RCAN2: variants seen among roughly 807,000 people sequenced by gnomAD.
RCAN2 encodes the protein calcipressin-2.
RCAN2 carries 9 observed loss-of-function variants against 23.6 expected under a neutral mutation model. That is an observed-to-expected ratio of 0.38 (90% CI 0.23 to 0.67). The LOEUF (loss-of-function observed/expected upper bound fraction) is 0.67, where lower values mean the gene tolerates loss of function less well. Ranked by LOEUF, RCAN2 falls within the 30% of genes least tolerant of loss-of-function variation. The pLI is 0.51. For synonymous variants in RCAN2, 109 were observed against 115.7 expected (o/e 0.94, Z 0.37); for missense variants, 273 against 302.3 (o/e 0.90, Z 0.72).
intron 2 of RCAN2, among the ~76,000 whole-genome samples, chr6:46,324,387 C>A (rs936727854): frequency 3.3e-5 from 5 of 152,220 alleles, no homozygotes; most frequent in African/African-American, 1.2e-4. Context: ...ACACATAAAT[C>A]CCCACCTGTA....
intron 4 of RCAN2, among the ~76,000 whole-genome samples, chr6:46,238,205 G>A (rs990936279): frequency 6.6e-6 from 1 of 152,168 alleles, no homozygotes; most frequent in Non-Finnish European, 1.5e-5. Context: ...GAGGAGTGAG[G>A]AAAGCTGGGA....
intron 2 of RCAN2, among the ~76,000 whole-genome samples, chr6:46,271,912 A>T (rs2150333389): frequency 6.6e-6 from 1 of 152,310 alleles, no homozygotes; most frequent in Middle Eastern, 3.4e-3. Flanking sequence ...CATGTGCACC[A>T]CTATAATGAG....
At chr6:46,365,107 A>C (rs1261151306) in intron 2 of RCAN2, among the ~76,000 whole-genome samples, 2 of 152,154 alleles carry the variant, frequency 1.3e-5, no homozygotes, top group Non-Finnish European at 2.9e-5. Context: ...CCAATGTAAT[A>C]ATAATATAAA....
At chr6:46,420,407 C>T (rs1161102096) in intron 2 of RCAN2, among the ~76,000 whole-genome samples, 1 of 152,084 alleles carries the variant, frequency 6.6e-6, no homozygotes, top group Admixed American at 6.5e-5. Context: ...GGCTCAAGAG[C>T]GGTTCAGCAA....
At chr6:46,420,800 G>A (rs1238913735) in intron 2 of RCAN2, among the ~76,000 whole-genome samples, 10 of 151,864 alleles carry the variant, frequency 6.6e-5, no homozygotes. Flanking sequence ...GCCCTCCTCG[G>A]CCCCCCAAAC....
intron 2 of RCAN2, among the ~76,000 whole-genome samples, chr6:46,454,081 TG>T (rs1403737012): frequency 6.6e-6 from 1 of 152,216 alleles, no homozygotes; most frequent in East Asian, 1.9e-4. Context: ...AAATGCTTTT[TG>T]CTTCTTTTCC....
At chr6:46,318,714 T>TA (rs199690863) in intron 2 of RCAN2, among the ~76,000 whole-genome samples, 9 of 150,920 alleles carry the variant, frequency 6.0e-5, no homozygotes, top group Admixed American at 1.3e-4. Context: ...AACAGAAGGT[T>TA]AAAAAAAAAG....
Position 46,412,701 on chromosome 6 carries a change from CT to C in RCAN2, c.225+44050del, listed in dbSNP as rs369705718. On this transcript the variant is annotated intron_variant, in intron 2 of 4. Transcript: ENST00000371374. The stretch of plus-strand genomic sequence containing the variant: ...GAAGGATAAGAACATAAAAATACAA[CT>C]GCTGGGTCTGGCAACACGAAGGTTG... 4.4e-3 allele frequency among the ~76,000 whole-genome samples: 668 copies of C among 152,268 alleles called. 5 individuals carry two copies. Among genetic ancestry groups the C allele is most frequent in the African/African-American group, 0.015 (640 of 41,552 alleles).
At chr6:46,345,512 G>A (rs9369611) in intron 2 of RCAN2, among the ~76,000 whole-genome samples, 64,082 of 151,902 alleles carry the variant, frequency 0.42, 14,958 homozygotes, top group East Asian at 0.6. Context: ...ACTATAAAAC[G>A]AGTCTCAGAA....
chr6:46,440,130 G>C (rs1474416315), intron 2 of RCAN2, among the ~76,000 whole-genome samples: 1 of 152,202 alleles, frequency 6.6e-6, no homozygotes, highest in Non-Finnish European at 1.5e-5. Context: ...AAATCAGACT[G>C]ATTTATGATG....
At chr6:46,254,413 C>A (rs147948562) in intron 2 of RCAN2, among the ~76,000 whole-genome samples, 2 of 152,166 alleles carry the variant, frequency 1.3e-5, no homozygotes, top group East Asian at 3.9e-4. Context: ...GCAGGAAGGT[C>A]AAATAGGGTG....
At chr6:46,225,845 C>T (rs1765646546) in intron 4 of RCAN2, among the ~76,000 whole-genome samples, 1 of 152,204 alleles carries the variant, frequency 6.6e-6, no homozygotes, top group Non-Finnish European at 1.5e-5. Flanking sequence ...GTGTTTCAGT[C>T]ATGAAGTCCT....
rs564012824 is a variant in RCAN2 at position 46,280,803 on chromosome 6, A to G, written c.226-31907T>C. Among the ~76,000 whole-genome samples the G allele has an allele frequency of 6.6e-5, 10 of 152,230 alleles. No individual in the cohort carries two copies. In the South Asian group the frequency reaches 2.1e-3, roughly 32 times the overall value. On this transcript the variant is annotated intron_variant, in intron 2 of 4. Coordinates refer to ENST00000371374, the MANE Select transcript of RCAN2 (RefSeq NM_001251974.2). ...GTATTAATTAAACTGAAGGAGTCTT[A>G]GTAGAGTGGTTAGTGAGATGTCTCA... is the stretch of plus-strand genomic sequence containing the variant.
chr6:46,282,477 A>AAAAC (rs147302163), intron 2 of RCAN2, among the ~76,000 whole-genome samples: 2,405 of 150,770 alleles, frequency 0.016, 66 homozygotes, highest in African/African-American at 0.053. Context: ...ACTCTGTCTC[A>AAAAC]AAACAAACAA....
At position 46,301,923 on chromosome 6, in the gene RCAN2, G is replaced by A. The variant is rs540662901; in HGVS notation, c.226-53027C>T. 1.5e-4 allele frequency among the ~76,000 whole-genome samples: 23 copies of A among 152,152 alleles called. 1 individual carries two copies. In the South Asian group the frequency reaches 3.9e-3, roughly 26 times the overall value. ...AATGTGTTTGGAATTCATTCTAAGC[G>A]CAACAGGGAGCCACTGGAAGGTTTT... On this transcript the variant is annotated intron_variant, in intron 2 of 4. Transcript: ENST00000371374.
intron 2 of RCAN2, among the ~76,000 whole-genome samples, chr6:46,284,047 T>C (rs1478342962): frequency 1.3e-5 from 2 of 152,250 alleles, no homozygotes; most frequent in African/African-American, 4.8e-5. Context: ...TTAAAAATTA[T>C]ATTCTCGTAA....
At chr6:46,472,130 C>A (rs1175412253) in intron 1 of RCAN2, among the ~76,000 whole-genome samples, 2 of 152,192 alleles carry the variant, frequency 1.3e-5, no homozygotes, top group African/African-American at 4.8e-5. Context: ...CCCACAACAA[C>A]GTAGCTTTTA....
intron 2 of RCAN2, among the ~76,000 whole-genome samples, chr6:46,389,109 A>G (rs1725975063): frequency 6.6e-6 from 1 of 152,172 alleles, no homozygotes; most frequent in Admixed American, 6.5e-5. Context: ...GGCAGGTCAG[A>G]CGAATACTAT....
intron 4 of RCAN2, among the ~76,000 whole-genome samples, chr6:46,244,662 T>C (rs1198391556): frequency 1.3e-5 from 2 of 152,224 alleles, no homozygotes; most frequent in Non-Finnish European, 2.9e-5. Context: ...CCTTTCTAAA[T>C]AGTGAAGTAG....
Sources: allele counts gnomAD v4.1 joint callset (sites outside exome capture counted in the v4.1 genomes callset), GRCh38; gene constraint gnomAD v4.1.1; transcripts MANE v1.5; gene names NCBI Gene and HGNC (gene_info 2026-07-23, HGNC 2026-07-21).